The following MIB1 variants were observed in gnomAD, a reference collection of about 807,000 sequenced individuals.
The protein encoded by MIB1 is MIB E3 ubiquitin protein ligase 1, also known as E3 ubiquitin-protein ligase MIB1.
Under a neutral mutation model 124.5 loss-of-function variants are expected in MIB1, and 278 were observed. The ratio of observed to expected loss-of-function variants is 2.23; its 90% confidence interval spans 2.02 to 2.47. The LOEUF (loss-of-function observed/expected upper bound fraction) is 2.47, where lower values mean the gene tolerates loss of function less well. Among genes scored for constraint, MIB1 ranks in the 30% most tolerant of loss-of-function variants. MIB1 has a pLI of 0.00. For missense variants in MIB1, 957 were observed against 1,254.4 expected (o/e 0.76, Z 3.58); for synonymous variants, 446 against 429.4 (o/e 1.04, Z -0.48).
At chr18:21,713,110 A>G (rs908172912) in intron 1 of MIB1, among the ~76,000 whole-genome samples, 37 of 152,126 alleles carry the variant, frequency 2.4e-4, no homozygotes, top group African/African-American at 8.7e-4. Context: ...GGTGTGCATT[A>G]CCATGCCCAG....
intron 1 of MIB1, among the ~76,000 whole-genome samples, chr18:21,727,841 G>A (rs2040749681): frequency 6.6e-6 from 1 of 152,088 alleles, no homozygotes; most frequent in South Asian, 2.1e-4. Context: ...AAGCTGCCAC[G>A]GGTTCTACAG....
At chr18:21,808,583 A>G (rs1015396174) in intron 10 of MIB1, among the ~76,000 whole-genome samples, 13 of 152,160 alleles carry the variant, frequency 8.5e-5, no homozygotes, top group African/African-American at 3.1e-4. Context: ...TGATAAGATT[A>G]TATTTTGTTT....
At chr18:21,810,957 G>A (rs1044735215) in intron 10 of MIB1, among the ~76,000 whole-genome samples, 2 of 151,984 alleles carry the variant, frequency 1.3e-5, no homozygotes, top group African/African-American at 4.8e-5. Flanking sequence ...CCTATGAAAT[G>A]GGAGAAAATA....
chr18:21,816,526 A>G (rs911352040), intron 11 of MIB1, among the ~76,000 whole-genome samples: 1 of 152,202 alleles, frequency 6.6e-6, no homozygotes, highest in African/African-American at 2.4e-5. Flanking sequence ...TTGAAACAAC[A>G]TATTATTTTT....
chr18:21,864,502 T>C (rs201875359), intron 20 of MIB1, 24 bp from the exon 21 acceptor site: 1 of 1,579,016 alleles, frequency 6.3e-7, no homozygotes, highest in Non-Finnish European at 8.7e-7. Flanking sequence ...GTCTAATTTA[T>C]TACTTTGTTA....
chr18:21,756,983 G>A (rs925538580), intron 1 of MIB1, among the ~76,000 whole-genome samples: 2 of 152,148 alleles, frequency 1.3e-5, no homozygotes, highest in African/African-American at 4.8e-5. Context: ...GAAAAGGTAT[G>A]AAGGAGTTGT....
chr18:21,708,903 A>T (rs2040652709), intron 1 of MIB1, among the ~76,000 whole-genome samples: 2 of 152,298 alleles, frequency 1.3e-5, no homozygotes, highest in East Asian at 3.9e-4. Flanking sequence ...AGCAAACAGC[A>T]AAAGTCAATT....
chr18:21,717,923 C>G (rs779277829), intron 1 of MIB1, among the ~76,000 whole-genome samples: 1 of 152,108 alleles, frequency 6.6e-6, no homozygotes, highest in Non-Finnish European at 1.5e-5. Flanking sequence ...AGTCATTATA[C>G]GAAAAAGATA....
In MIB1 at chr18:21,729,016, C is replaced by A. The variant is rs930671937; in HGVS notation, n.167+23893C>A. On this transcript the variant is annotated intron_variant and non_coding_transcript_variant, in intron 1 of 20. Coordinates refer to the MIB1 transcript ENST00000578646. Reference sequence around the variant, plus strand: ...CAGTGTCCCTGGCTGCTTCTTTCTGCTGCTCAGTGTGTGGTTACTTTTATG... The same window carrying A: ...CAGTGTCCCTGGCTGCTTCTTTCTGATGCTCAGTGTGTGGTTACTTTTATG... 2.0e-5 allele frequency among the ~76,000 whole-genome samples: 3 copies of A among 152,310 alleles called. No homozygotes were observed. The East Asian group carries it at 5.8e-4, about 29-fold the overall frequency.
At chr18:21,783,244 C>CT (rs755510609) in intron 6 of MIB1, among the ~76,000 whole-genome samples, 146 of 143,056 alleles carry the variant, frequency 1.0e-3, no homozygotes, top group East Asian at 1.2e-3. Flanking sequence ...CACTCTATGC[C>CT]TTTTTTTTTT....
intron 2 of MIB1, among the ~76,000 whole-genome samples, chr18:21,766,836 C>G (rs2041166336): frequency 1.3e-5 from 2 of 152,010 alleles, no homozygotes; most frequent in South Asian, 4.1e-4. Flanking sequence ...GCCAGGCGTT[C>G]AAGACCACCC....
At chr18:21,859,913 G>GAAAAAAAAAAAAAAAAAAAAAAAAA (rs1347677474) in intron 20 of MIB1, among the ~76,000 whole-genome samples, 1 of 137,610 alleles carries the variant, frequency 7.3e-6, no homozygotes. Flanking sequence ...AAAAAAAAAG[G>GAAAAAAAAAAAAAAAAAAAAAAAAA]AAAAATGTGT....
At chr18:21,857,052 C>G (rs2042235257) in intron 18 of MIB1, 78 bp from the exon 19 acceptor site, 2 of 907,492 alleles carry the variant, frequency 2.2e-6, no homozygotes, top group Non-Finnish European at 3.6e-6. Context: ...AAATTTAAGT[C>G]ATAAAAATTA....
chr18:21,813,543 C>G, intron 10 of MIB1, among the ~76,000 whole-genome samples: 1 of 151,962 alleles, frequency 6.6e-6, no homozygotes, highest in South Asian at 2.1e-4. Flanking sequence ...AAAACTGATT[C>G]AGCTGGAAAT....
intron 1 of MIB1, among the ~76,000 whole-genome samples, chr18:21,746,263 G>T (rs1361431830): frequency 6.6e-6 from 1 of 152,154 alleles, no homozygotes; most frequent in African/African-American, 2.4e-5. Context: ...TTTCTGATAC[G>T]ATTTTTCTCA....
At chr18:21,815,008 GTT>G (rs1491221200) in intron 10 of MIB1, among the ~76,000 whole-genome samples, 7 of 48,252 alleles carry the variant, frequency 1.5e-4, no homozygotes, top group South Asian at 8.1e-4. Context: ...CAAGCTGTTG[GTT>G]TTATATATAT....
At chr18:21,784,678 A>T (rs2041413446) in intron 6 of MIB1, among the ~76,000 whole-genome samples, 2 of 152,200 alleles carry the variant, frequency 1.3e-5, no homozygotes, top group South Asian at 4.1e-4. Context: ...AGCTGAAGGG[A>T]CATGGTGAGA....
chr18:21,748,244 A>T (rs918912557), intron 1 of MIB1, among the ~76,000 whole-genome samples: 6 of 152,216 alleles, frequency 3.9e-5, no homozygotes, highest in African/African-American at 1.4e-4. Context: ...ATTGATAATG[A>T]AATGTAAACC....
At position 21,741,532 on chromosome 18, in the gene MIB1, G is replaced by A; in HGVS notation, c.-52G>A. 7.9e-7 allele frequency: 1 copy of A among 1,271,012 alleles called. No individual in the cohort carries two copies. The highest frequency in any genetic ancestry group is 1.6e-5 in the African/African-American group (1 of 63,210). 78.7% of individuals were successfully genotyped at this position (1,271,012 alleles called of 1,614,324 possible). A position where few individuals can be genotyped will look rare whatever the true frequency, so the allele number is the denominator to read the frequency against. ...CCAACTCCCTCACGGGCCCCCCGGC[G>A]GCAGCGGCGGCGGCGGCGGCGGCAG... On this transcript the variant is annotated 5_prime_UTR_variant, in exon 1 of 21. Coordinates refer to ENST00000261537, the MANE Select transcript of MIB1 (RefSeq NM_020774.4). The surrounding 1 kb of genome is among the most constrained non-coding windows in gnomAD (Gnocchi z 5.4).
Sources: gnomAD v4.1 joint callset for allele counts (sites outside exome capture counted in the v4.1 genomes callset) on GRCh38, gnomAD v4.1.1 for gene constraint, Gnocchi (gnomAD v3.1) non-coding constraint, MANE v1.5 for transcripts, NCBI Gene and HGNC (gene_info 2026-07-23, HGNC 2026-07-21) for gene names.